BCAS3: variants seen among roughly 807,000 people sequenced by gnomAD.
BCAS3 encodes BCAS4/BCAS3 fusion.
BCAS3 carries 53 observed loss-of-function variants against 116.1 expected under a neutral mutation model. The observed-to-expected ratio is 0.46, with a 90% CI of 0.37 to 0.57. The LOEUF is 0.57. BCAS3 is among the 20% of genes least tolerant of loss of function. The probability of loss-of-function intolerance (pLI) is 0.00; values close to 1 mark genes in which losing one functional copy is unlikely to be tolerated. For missense variants in BCAS3, 917 were observed against 1,165.4 expected, an observed-to-expected ratio of 0.79 and a Z score of 3.10; for synonymous variants, 391 against 408.2, an observed-to-expected ratio of 0.96 and a Z score of 0.51.
chr17:61,368,573 G>T lies in BCAS3; in HGVS notation c.2593+79G>T, dbSNP rs747653281. The T allele has an allele frequency of 2.8e-6, 4 of 1,439,252 alleles. No homozygotes were observed. The highest frequency in any genetic ancestry group is 2.9e-5 in the South Asian group (2 of 69,040). 89.2% of individuals were successfully genotyped at this position (1,439,252 alleles called of 1,614,324 possible). On this transcript the variant is annotated intron_variant, in intron 23 of 23. Coordinates refer to ENST00000407086, the MANE Select transcript of BCAS3 (RefSeq NM_017679.5). The surrounding 1 kb of genome is among the most constrained non-coding windows in gnomAD (Gnocchi z 6.0). ...GTGCAGAGCTTCTCTGGAATCGTTT[G>T]TGGGCATATGTTTGTTTTTGCTGTT... is the stretch of plus-strand genomic sequence containing the variant.
intron 3 of BCAS3, among the ~76,000 whole-genome samples, chr17:60,689,213 G>A (rs2034485793): frequency 6.6e-6 from 1 of 151,992 alleles, no homozygotes; most frequent in Admixed American, 6.6e-5. Flanking sequence ...TTGCTCAGTC[G>A]CCTAGGCTGG....
intron 22 of BCAS3, among the ~76,000 whole-genome samples, chr17:61,153,052 C>T (rs1020682531): frequency 1.3e-5 from 2 of 152,156 alleles, no homozygotes; most frequent in Non-Finnish European, 2.9e-5. Context: ...TAATTTACTC[C>T]CCTGTCTGTC....
At chr17:60,815,303 G>A (rs900620394) in intron 7 of BCAS3, among the ~76,000 whole-genome samples, 1 of 152,144 alleles carries the variant, frequency 6.6e-6, no homozygotes, top group Non-Finnish European at 1.5e-5. Context: ...ATGGGGTTGG[G>A]GGAGGGGAGA....
At chr17:60,865,632 C>G (rs1467028632) in intron 7 of BCAS3, among the ~76,000 whole-genome samples, 2 of 152,084 alleles carry the variant, frequency 1.3e-5, no homozygotes, top group Admixed American at 6.5e-5. Context: ...TGGTAAAGTT[C>G]TAGTAGCTTT....
intron 10 of BCAS3, among the ~76,000 whole-genome samples, chr17:60,895,030 T>C (rs1438934822): frequency 6.6e-6 from 1 of 152,146 alleles, no homozygotes; most frequent in Admixed American, 6.5e-5. Flanking sequence ...GTTTTCTTTT[T>C]TGTGGCATCC....
At chr17:60,850,420 G>A (rs996699883) in intron 7 of BCAS3, among the ~76,000 whole-genome samples, 10 of 141,454 alleles carry the variant, frequency 7.1e-5, no homozygotes, top group African/African-American at 2.2e-4. Context: ...GTGCAATGGC[G>A]TGATCTCGGC....
rs1206356803 is a variant in BCAS3 at position 61,084,674 on chromosome 17, T to G, written c.2425+110T>G. 1 of 928,270 alleles carries G rather than the reference T, an allele frequency of 1.1e-6. No individual in the cohort carries two copies. Among genetic ancestry groups the G allele is most frequent in the Non-Finnish European group, 1.7e-6 (1 of 592,638 alleles). The allele number at this position is 928,270 out of a possible 1,614,324, so 57.5% of individuals were successfully genotyped here. On this transcript the variant is annotated intron_variant, in intron 22 of 23. Transcript: ENST00000407086. This position sits in a 1 kb window ranked among gnomAD's most constrained non-coding sequence, Gnocchi z 5.5. ...ATTTGCTTTCCTCTCTGTTTTTTTGTTTTGTGGTGTGTGTGCATTTTAATA... is the reference window on the plus strand; with the variant it reads ...ATTTGCTTTCCTCTCTGTTTTTTTGGTTTGTGGTGTGTGTGCATTTTAATA...
rs140168661 is a variant in BCAS3, at chr17:60,846,075, T to A, written c.477-22501T>A. On this transcript the variant is annotated intron_variant, in intron 7 of 23. Transcript: ENST00000407086. ...TCCTGAGTAGCTGGGACCGTAGACATGTACCACCATGCCCAATTAATTTTT... is the reference window on the plus strand; with the variant it reads ...TCCTGAGTAGCTGGGACCGTAGACAAGTACCACCATGCCCAATTAATTTTT... Among the ~76,000 whole-genome samples, 38 of 152,056 alleles carry A rather than the reference T, an allele frequency of 2.5e-4. No individual in the cohort carries two copies. The East Asian group carries it at 7.3e-3, about 29-fold the overall frequency.
intron 7 of BCAS3, among the ~76,000 whole-genome samples, chr17:60,824,469 C>T (rs898564304): frequency 6.6e-6 from 1 of 152,184 alleles, no homozygotes; most frequent in Non-Finnish European, 1.5e-5. Context: ...CACATGTTCT[C>T]GTCTCCTTCC....
intron 11 of BCAS3, among the ~76,000 whole-genome samples, chr17:60,907,522 G>C (rs192400614): frequency 6.6e-6 from 1 of 152,302 alleles, no homozygotes; most frequent in Non-Finnish European, 1.5e-5. Context: ...CGGCAAATCT[G>C]CTTGCAGCAG....
At chr17:61,350,292 G>A (rs989318717) in intron 22 of BCAS3, among the ~76,000 whole-genome samples, 1 of 152,006 alleles carries the variant, frequency 6.6e-6, no homozygotes. Flanking sequence ...GCACACACCT[G>A]TAATCCCAGC....
chr17:60,810,887 A>G (rs2048747501), intron 7 of BCAS3: 5 of 702,182 alleles, frequency 7.1e-6, no homozygotes, highest in Admixed American at 3.6e-5. Context: ...GATGCCCCCA[A>G]ATCTCAGGAT....
intron 4 of BCAS3, among the ~76,000 whole-genome samples, chr17:60,694,634 A>G (rs8082022): frequency 0.068 from 10,344 of 151,198 alleles, 1,064 homozygotes; most frequent in African/African-American, 0.22. Context: ...GTGAGCCACC[A>G]TGCATGGTCT....
chr17:61,373,964 C>T (rs12451110), intron 23 of BCAS3, among the ~76,000 whole-genome samples: 119,897 of 149,968 alleles, frequency 0.8, 51,039 homozygotes, highest in Non-Finnish European at 0.94. Flanking sequence ...TACAGGCGTG[C>T]GCCACCATGC....
chr17:61,284,645 GT>G (rs540729268), intron 22 of BCAS3, among the ~76,000 whole-genome samples: 7,345 of 145,050 alleles, frequency 0.051, 391 homozygotes, highest in African/African-American at 0.13. Flanking sequence ...CCACAACTGC[GT>G]TTTTTTTTTT....
Position 61,228,257 on chromosome 17 carries a change from A to G in BCAS3, c.2426-140070A>G, listed in dbSNP as rs777785558. Among the ~76,000 whole-genome samples the G allele has an allele frequency of 1.5e-4, 23 of 152,202 alleles. No homozygotes were observed. The highest frequency in any genetic ancestry group is 2.4e-4 in the Non-Finnish European group (16 of 68,036). On this transcript the variant is annotated intron_variant, in intron 22 of 23. Coordinates refer to ENST00000407086, the MANE Select transcript of BCAS3 (RefSeq NM_017679.5). The surrounding 1 kb of genome is among the most constrained non-coding windows in gnomAD (Gnocchi z 5.0). ...TTGCTTTGAGATTCTCCTAAGCCCC[A>G]GCTGAGAAATTATGAAGGCGACTAT...
At chr17:60,857,707 A>G (rs1171266578) in intron 7 of BCAS3, among the ~76,000 whole-genome samples, 1 of 152,216 alleles carries the variant, frequency 6.6e-6, no homozygotes, top group African/African-American at 2.4e-5. Flanking sequence ...GAACAAAAGA[A>G]TATGTCGGGC....
chr17:60,771,844 TG>T (rs1180961994), intron 6 of BCAS3, among the ~76,000 whole-genome samples: 2 of 152,192 alleles, frequency 1.3e-5, no homozygotes, highest in Non-Finnish European at 2.9e-5. Context: ...CTCAGAATGA[TG>T]GTTTCCAGCT....
At position 60,935,935 on chromosome 17, in the gene BCAS3, C is replaced by T. The variant is rs536110447; in HGVS notation, c.1088-11284C>T. ...GGTTATTTACATATGTATACATGTG[C>T]CATGTTGGTGTGCTGCACCCAGTAA... On this transcript the variant is annotated intron_variant, in intron 13 of 23. Coordinates refer to ENST00000407086, the MANE Select transcript of BCAS3 (RefSeq NM_017679.5). 1.3e-4 allele frequency among the ~76,000 whole-genome samples: 20 copies of T among 151,754 alleles called. No individual in the cohort carries two copies. The East Asian group carries it at 3.9e-3, about 29-fold the overall frequency.
Sources: allele counts gnomAD v4.1 joint callset (sites outside exome capture counted in the v4.1 genomes callset), GRCh38; gene constraint gnomAD v4.1.1; non-coding constraint Gnocchi (gnomAD v3.1); transcripts MANE v1.5; gene names NCBI Gene and HGNC (gene_info 2026-07-23, HGNC 2026-07-21).